Variants in CAPN8 observed in about 807,000 individuals in gnomAD.
CAPN8 encodes the protein calpain-8.
Under a neutral mutation model 80.9 loss-of-function variants are expected in CAPN8, and 87 were observed. The ratio of observed to expected loss-of-function variants is 1.07; its 90% CI spans 0.90 to 1.28. The LOEUF is 1.28. CAPN8 is among the 50% of genes most tolerant of loss of function. The probability of loss-of-function intolerance (pLI) is 0.00; values close to 1 mark genes in which losing one functional copy is unlikely to be tolerated. For synonymous variants in CAPN8, 299 were observed against 273.8 expected (o/e 1.09, Z -0.91); for missense variants, 757 against 702.0 (o/e 1.08, Z -0.89).
chr1:223,644,660 G>A (rs10799580), intron 2 of CAPN8, among the ~76,000 whole-genome samples: 13,701 of 152,126 alleles, frequency 0.09, 1,424 homozygotes, highest in African/African-American at 0.25. Context: ...TTCTAGGGGA[G>A]CGCTAGGAAA....
intron 11 of CAPN8, among the ~76,000 whole-genome samples, chr1:223,611,587 A>G (rs898359929): frequency 6.6e-6 from 1 of 152,178 alleles, no homozygotes; most frequent in African/African-American, 2.4e-5. Context: ...AGTTGCTAAC[A>G]CCACTGTCTG....
At chr1:223,640,315 C>T (rs1658011883) in intron 2 of CAPN8, among the ~76,000 whole-genome samples, 1 of 152,210 alleles carries the variant, frequency 6.6e-6, no homozygotes, top group Non-Finnish European at 1.5e-5. Context: ...TATCCCCCAA[C>T]ATACAATTAA....
At chr1:223,544,310 G>A (rs1656557874) in intron 18 of CAPN8, 127 bp from the exon 19 acceptor site, 4 of 626,552 alleles carry the variant, frequency 6.4e-6, no homozygotes, top group African/African-American at 3.6e-5. Flanking sequence ...AACCAGGCCT[G>A]ACTCTGCCTT....
chr1:223,646,004 A>G (rs1314220626), intron 2 of CAPN8, among the ~76,000 whole-genome samples: 2 of 152,160 alleles, frequency 1.3e-5, no homozygotes, highest in African/African-American at 4.8e-5. Flanking sequence ...TTACGAGGTG[A>G]CTATGGGGGA....
chr1:223,661,579 G>A (rs578179642), intron 1 of CAPN8, among the ~76,000 whole-genome samples: 11 of 152,278 alleles, frequency 7.2e-5, no homozygotes, highest in South Asian at 2.1e-4. Context: ...ACAGTGAGCC[G>A]AATTCGCACC....
At chr1:223,664,706 G>A (rs1428165274) in intron 1 of CAPN8, among the ~76,000 whole-genome samples, 1 of 152,182 alleles carries the variant, frequency 6.6e-6, no homozygotes, top group Admixed American at 6.5e-5. Flanking sequence ...GGGAGGCTGA[G>A]GTGGGCAGAT....
At chr1:223,642,738 A>G (rs1658077454) in intron 2 of CAPN8, 1 of 438,698 alleles carries the variant, frequency 2.3e-6, no homozygotes. Context: ...AAAAGCAAGC[A>G]AACTCTTCAC....
intron 2 of CAPN8, among the ~76,000 whole-genome samples, chr1:223,651,577 C>A (rs1658342292): frequency 6.6e-6 from 1 of 152,182 alleles, no homozygotes; most frequent in Non-Finnish European, 1.5e-5. Context: ...CACAGCCCAC[C>A]CTGACAGAAG....
chr1:223,555,744 G>A (rs937771042), intron 13 of CAPN8, among the ~76,000 whole-genome samples: 52 of 152,288 alleles, frequency 3.4e-4, no homozygotes, highest in East Asian at 7.7e-4. Flanking sequence ...CAGGCATCCC[G>A]TCACTGGGAG....
Position 223,625,835 on chromosome 1 carries a change from A to G in CAPN8, c.783T>C (p.Ser261=). 1 of 1,551,194 alleles carries G rather than the reference A, an allele frequency of 6.4e-7. No individual in the cohort carries two copies. Among genetic ancestry groups the G allele is most frequent in the Non-Finnish European group, 8.7e-7 (1 of 1,146,646 alleles). The change falls in exon 6 of 21, where the codon AGT becomes AGC. Residue 261 remains serine, a synonymous_variant. Transcript: ENST00000366872. The part of the protein sequence containing the change: ...EAITSQKLVK[S]HAYSVTGVEE... ...CGACTCCAGTGACAGAGTACGCATGACTCTTAACCAGCTTCTGGCTGGTGA... is the reference window on the plus strand; with the variant it reads ...CGACTCCAGTGACAGAGTACGCATGGCTCTTAACCAGCTTCTGGCTGGTGA...
chr1:223,611,018 T>A (rs1657016735), intron 11 of CAPN8, among the ~76,000 whole-genome samples: 1 of 82,846 alleles, frequency 1.2e-5, no homozygotes, highest in Admixed American at 1.2e-4. Flanking sequence ...ACTGTTGTCC[T>A]GAAGGCCCCC....
chr1:223,627,657 T>C (rs1241958473), intron 4 of CAPN8, among the ~76,000 whole-genome samples: 1 of 152,206 alleles, frequency 6.6e-6, no homozygotes, highest in African/African-American at 2.4e-5. Flanking sequence ...TTGAGTTTGG[T>C]ATCTAGTACA....
intron 15 of CAPN8, among the ~76,000 whole-genome samples, chr1:223,550,130 A>G (rs1443671037): frequency 2.6e-5 from 4 of 152,100 alleles, no homozygotes; most frequent in Non-Finnish European, 5.9e-5. Context: ...TATACCTGGG[A>G]GCCAAGACAG....
At chr1:223,625,941 G>A (rs892927505) in intron 5 of CAPN8, 53 bp from the exon 6 acceptor site, 140 of 1,430,110 alleles carry the variant, frequency 9.8e-5, no homozygotes, top group South Asian at 2.5e-4. Context: ...CTCAGGGGCC[G>A]GCCGTAGAAT....
At chr1:223,543,552 C>A (rs1656531070) in intron 19 of CAPN8, among the ~76,000 whole-genome samples, 4 of 152,170 alleles carry the variant, frequency 2.6e-5, no homozygotes, top group African/African-American at 9.7e-5. Context: ...CCTTGACCCA[C>A]TAGAACGTAA....
chr1:223,630,416 A>G (rs541107297), intron 2 of CAPN8, among the ~76,000 whole-genome samples: 1 of 152,034 alleles, frequency 6.6e-6, no homozygotes, highest in South Asian at 2.1e-4. Context: ...GGCTCACTGC[A>G]GCCCCAACCT....
chr1:223,543,785 G>A (rs1395733253), intron 19 of CAPN8, among the ~76,000 whole-genome samples: 5 of 152,228 alleles, frequency 3.3e-5, no homozygotes, highest in Non-Finnish European at 5.9e-5. Context: ...TCTTGGCCTA[G>A]TGACTGCACA....
chr1:223,627,934 G>A (rs992234565), intron 4 of CAPN8, 75 bp downstream of exon 4: 30 of 1,435,948 alleles, frequency 2.1e-5, no homozygotes, highest in Middle Eastern at 1.8e-4. Flanking sequence ...GGGTGGGGAG[G>A]CAGACGTGGG....
rs151183673 is a variant in CAPN8 at position 223,623,985 on chromosome 1, C to T, written c.814-1085G>A. Among the ~76,000 whole-genome samples, 100 of 135,338 alleles carry T rather than the reference C, an allele frequency of 7.4e-4. No homozygotes were observed. The East Asian group carries it at 0.012, about 16-fold the overall frequency. The allele number at this position is 135,338 out of a possible 152,430, so 88.8% of individuals were successfully genotyped here. ...CCTGCACTCCAGCCTGGTGATAGAGCAAGACTCCACCTGAAAAAAAAAAAA... is the reference window on the plus strand; with the variant it reads ...CCTGCACTCCAGCCTGGTGATAGAGTAAGACTCCACCTGAAAAAAAAAAAA... On this transcript the variant is annotated intron_variant, in intron 6 of 20. Transcript: ENST00000366872.
Sources: gnomAD v4.1 joint callset for allele counts (sites outside exome capture counted in the v4.1 genomes callset) on GRCh38, gnomAD v4.1.1 for gene constraint, MANE v1.5 for transcripts, NCBI Gene and HGNC (gene_info 2026-07-23, HGNC 2026-07-21) for gene names.